The following ZBTB21 variants were observed in gnomAD, a reference collection of about 807,000 sequenced individuals.
ZBTB21 encodes the protein zinc finger and BTB domain-containing protein 21.
In ZBTB21, 10 loss-of-function variants were observed where a neutral mutation model predicts 39.8. That is an observed-to-expected ratio of 0.25 (90% confidence interval 0.16 to 0.43). ZBTB21 has a LOEUF of 0.43. Ranked by LOEUF, ZBTB21 falls within the 20% of genes least tolerant of loss-of-function variation. The probability of loss-of-function intolerance (pLI) is 1.00; values close to 1 mark genes in which losing one functional copy is unlikely to be tolerated. For missense variants in ZBTB21, 1,221 were observed against 1,296.3 expected, an observed-to-expected ratio of 0.94 and a Z score of 0.89; for synonymous variants, 551 against 498.8, an observed-to-expected ratio of 1.10 and a Z score of -1.40.
At chr21:41,998,732 G>A (rs2065782239) in intron 2 of ZBTB21, among the ~76,000 whole-genome samples, 2 of 152,102 alleles carry the variant, frequency 1.3e-5, no homozygotes, top group Admixed American at 1.3e-4. Flanking sequence ...CAACCTGGGA[G>A]TGGCCACACA....
chr21:41,991,566 C>T lies in ZBTB21; in HGVS notation c.2530G>A (p.Asp844Asn), dbSNP rs759494359. 11 of 1,614,050 alleles carry T rather than the reference C, an allele frequency of 6.8e-6. No individual in the cohort carries two copies. The highest frequency in any genetic ancestry group is 2.2e-5 in the East Asian group (1 of 44,884). ...TCTGAAGAATCACTGAACACGTTGT[C>T]GTCTTTTGTGGTGACGATGTGGTTT... is the stretch of plus-strand genomic sequence containing the variant. ...KVNHIVTTKDDNVFSDSSEQV... is the reference protein window; with the variant it reads ...KVNHIVTTKDNNVFSDSSEQV... Residue 844 changes from aspartate to asparagine, a missense_variant, in exon 3 of 3, where the codon GAC (aspartate) becomes AAC (asparagine). By Grantham distance (23) the Asp-to-Asn change is conservative. Coordinates refer to ENST00000310826, the MANE Select transcript of ZBTB21 (RefSeq NM_001098402.2). The surrounding 1 kb of genome is among the most constrained non-coding windows in gnomAD (Gnocchi z 4.9).
chr21:41,994,738 G>A (rs1459075506), intron 2 of ZBTB21, among the ~76,000 whole-genome samples: 2 of 152,158 alleles, frequency 1.3e-5, no homozygotes, highest in African/African-American at 4.8e-5. Context: ...GGGACCACAA[G>A]CACATGCCAC....
At chr21:41,994,178 G>A in intron 2 of ZBTB21, 70 bp from the exon 3 acceptor site, 1 of 1,388,078 alleles carries the variant, frequency 7.2e-7, no homozygotes, top group Non-Finnish European at 9.8e-7. Context: ...CAAGAGCAGG[G>A]AACATCAGCT....
At chr21:41,999,173 C>T (rs2065787757) in intron 2 of ZBTB21, among the ~76,000 whole-genome samples, 1 of 152,128 alleles carries the variant, frequency 6.6e-6, no homozygotes, top group Non-Finnish European at 1.5e-5. Flanking sequence ...AAAGCTAGTT[C>T]AGATGTTGCC....
chr21:42,008,099 C>G (rs893533637), intron 1 of ZBTB21: 1 of 152,122 alleles, frequency 6.6e-6, no homozygotes, highest in Non-Finnish European at 1.5e-5. Flanking sequence ...GTTGCCAGAC[C>G]CTAAAATTTC....
intron 1 of ZBTB21, chr21:42,008,096 G>A (rs1380326599): frequency 6.6e-6 from 1 of 152,204 alleles, no homozygotes. Context: ...TGTGTTGCCA[G>A]ACCCTAAAAT....
rs1002475214 is a variant in ZBTB21, at chr21:41,989,524, G to A, written c.*1371C>T. On this transcript the variant is annotated 3_prime_UTR_variant, in exon 3 of 3. Transcript: ENST00000310826. ...ATACATCTAACTCCCACCCCCACAA[G>A]TAAAAGTTTTCCCTTTTGAAACACA... 6.6e-6 allele frequency: 1 copy of A among 152,042 alleles called. No homozygotes were observed. The highest frequency in any genetic ancestry group is 1.5e-5 in the Non-Finnish European group (1 of 67,956). The allele number at this position is 152,042 out of a possible 1,614,324, so 9.4% of individuals were successfully genotyped here.
At position 41,992,720 on chromosome 21, in the gene ZBTB21, G is replaced by C. The variant is rs1184135041; in HGVS notation, c.1376C>G (p.Ser459Cys). 7 of 1,614,184 alleles carry C rather than the reference G, an allele frequency of 4.3e-6. No homozygotes were observed. Among genetic ancestry groups the C allele is most frequent in the Non-Finnish European group, 5.1e-6 (6 of 1,180,034 alleles). ...GDAATTAAAS[S>C]SSVTRDLSLK... ...AGACAGGTCTCTTGTGACCGACGAA[G>C]ATGAGGCAGCTGCTGTTGTTGCCGC... The change falls in exon 3 of 3, where the codon TCT becomes TGT. Residue 459 changes from serine to cysteine, a missense_variant. By Grantham distance (112) the Ser-to-Cys change is moderately radical. This residue lies in a region of ZBTB21 where 500 missense variants were observed against 465.6 expected (regional missense o/e 1.07). Coordinates refer to ENST00000310826, the MANE Select transcript of ZBTB21 (RefSeq NM_001098402.2). This position sits in a 1 kb window ranked among gnomAD's most constrained non-coding sequence, Gnocchi z 4.1.
intron 1 of ZBTB21, 126 bp downstream of exon 1, chr21:42,010,126 T>G: frequency 2.6e-6 from 1 of 386,356 alleles, no homozygotes; most frequent in Non-Finnish European, 4.6e-6. Context: ...AACCCGCTGG[T>G]GGAGAAAAAA....
intron 2 of ZBTB21, among the ~76,000 whole-genome samples, chr21:41,995,592 G>C (rs376584195): frequency 1.3e-5 from 2 of 152,250 alleles, no homozygotes; most frequent in Non-Finnish European, 2.9e-5. Flanking sequence ...CTGACAGTGC[G>C]ATAGAAAAGA....
chr21:41,992,239 T>C lies in ZBTB21; in HGVS notation c.1857A>G (p.Gln619=). 1 of 1,614,164 alleles carries C rather than the reference T, an allele frequency of 6.2e-7. No individual in the cohort carries two copies. Among genetic ancestry groups the C allele is most frequent in the South Asian group, 1.1e-5 (1 of 91,084 alleles). The change falls in exon 3 of 3, where the codon CAA becomes CAG. Residue 619 remains glutamine (Q), a synonymous_variant. Transcript: ENST00000310826. This position sits in a 1 kb window ranked among gnomAD's most constrained non-coding sequence, Gnocchi z 4.1. The stretch of plus-strand genomic sequence containing the variant: ...CTCTCACTATGTCAATCAGCTTTCT[T>C]TGGAATTTTTCATCCAAAACAGCAT... The part of the protein sequence containing the change: ...SSHAVLDEKF[Q]RKLIDIVRER...
At position 41,987,892 on chromosome 21, in the gene ZBTB21, C is replaced by A. The variant is rs908268929; in HGVS notation, c.*3003G>T. The stretch of plus-strand genomic sequence containing the variant: ...TTCACAGCAGCTACTCTCATTAGCA[C>A]CAATGGGACTACATATGGATTCAAA... On this transcript the variant is annotated 3_prime_UTR_variant, in exon 3 of 3. Transcript: ENST00000310826. 6.6e-6 allele frequency: 1 copy of A among 152,202 alleles called. No homozygotes were observed. The highest frequency in any genetic ancestry group is 1.5e-5 in the Non-Finnish European group (1 of 68,036). 9.4% of individuals were successfully genotyped at this position (152,202 alleles called of 1,614,324 possible).
At chr21:41,998,446 C>T (rs1484965938) in intron 2 of ZBTB21, among the ~76,000 whole-genome samples, 1 of 152,218 alleles carries the variant, frequency 6.6e-6, no homozygotes, top group Non-Finnish European at 1.5e-5. Flanking sequence ...CTGCCTCGGC[C>T]TCCCAAAGTG....
intron 1 of ZBTB21, among the ~76,000 whole-genome samples, chr21:42,004,298 G>A (rs565082601): frequency 3.3e-5 from 5 of 152,186 alleles, no homozygotes; most frequent in East Asian, 1.9e-4. Context: ...TGTAAGATAT[G>A]AGCCACCGCG....
chr21:42,003,868 C>T (rs968704943), intron 1 of ZBTB21, among the ~76,000 whole-genome samples: 13 of 152,314 alleles, frequency 8.5e-5, no homozygotes, highest in Middle Eastern at 3.4e-3. Flanking sequence ...CAAGGGCTTG[C>T]CCTGGCCTCA....
intron 2 of ZBTB21, among the ~76,000 whole-genome samples, chr21:41,996,003 A>C (rs1391865409): frequency 6.6e-6 from 1 of 152,248 alleles, no homozygotes; most frequent in Non-Finnish European, 1.5e-5. Context: ...AGGATGTATG[A>C]GAACACCTGT....
chr21:41,993,302 C>A lies in ZBTB21; in HGVS notation c.794G>T (p.Gly265Val). The A allele has an allele frequency of 1.2e-6, 2 of 1,613,194 alleles. No individual in the cohort carries two copies. Reference sequence around the variant, plus strand: ...CTTCAAAGCCAGCTCTAGAGCTTTTCCTTTTGGAAGCTGACCACTCACACC... The same window carrying A: ...CTTCAAAGCCAGCTCTAGAGCTTTTACTTTTGGAAGCTGACCACTCACACC... ...KPGVSGQLPK[G>V]KALELALKRP... The change falls in exon 3 of 3, where the codon GGA (glycine) becomes GTA (valine). Residue 265 changes from glycine (G) to valine (V), a missense_variant. Gly to Val is a moderately radical substitution (Grantham distance 109). Transcript: ENST00000310826.
intron 1 of ZBTB21, among the ~76,000 whole-genome samples, chr21:42,006,377 T>C (rs1006309004): frequency 1.3e-5 from 2 of 150,700 alleles, no homozygotes; most frequent in Non-Finnish European, 2.9e-5. Flanking sequence ...ATCGTGCCAC[T>C]ACACTCCAGT....
intron 2 of ZBTB21, among the ~76,000 whole-genome samples, chr21:42,000,846 G>C (rs2065808664): frequency 6.6e-6 from 1 of 152,144 alleles, no homozygotes; most frequent in South Asian, 2.1e-4. Flanking sequence ...CCTCCATTTA[G>C]AGCCATCACA....
Sources: allele counts gnomAD v4.1 joint callset (sites outside exome capture counted in the v4.1 genomes callset), GRCh38; gene constraint gnomAD v4.1.1; regional missense constraint gnomAD v4.1.1; non-coding constraint Gnocchi (gnomAD v3.1); transcripts MANE v1.5; gene names NCBI Gene and HGNC (gene_info 2026-07-23, HGNC 2026-07-21).